The following IQCB1 variants were observed in gnomAD, a reference collection of about 807,000 sequenced individuals.
IQCB1 encodes IQ motif containing B1, also known as IQ calmodulin-binding motif-containing protein 1.
A neutral mutation model predicts 84.4 loss-of-function variants in IQCB1; 56 were observed. The observed-to-expected ratio is 0.66, with a 90% CI of 0.54 to 0.83. The LOEUF is 0.83. Ranked by LOEUF, IQCB1 falls within the 40% of genes least tolerant of loss-of-function variation. The pLI, the probability that IQCB1 is intolerant of heterozygous loss-of-function variation, is 0.00. For missense variants in IQCB1, 629 were observed against 682.1 expected, an observed-to-expected ratio of 0.92 and a Z score of 0.87; for synonymous variants, 210 against 234.8, an observed-to-expected ratio of 0.89 and a Z score of 0.96.
At chr3:121,785,809 T>C (rs1295387369) in intron 12 of IQCB1, among the ~76,000 whole-genome samples, 2 of 152,148 alleles carry the variant, frequency 1.3e-5, no homozygotes, top group Non-Finnish European at 1.5e-5. Flanking sequence ...AAGTTCTCCA[T>C]AGCCAGCTAC....
At chr3:121,807,007 T>C (rs935219939) in intron 7 of IQCB1, among the ~76,000 whole-genome samples, 1 of 152,154 alleles carries the variant, frequency 6.6e-6, no homozygotes, top group Non-Finnish European at 1.5e-5. Context: ...TCTCAATATT[T>C]TTCTTCAGAT....
At chr3:121,807,508 G>T (rs886735652) in intron 6 of IQCB1, 65 bp from the exon 7 acceptor site, 2 of 888,428 alleles carry the variant, frequency 2.3e-6, no homozygotes, top group Non-Finnish European at 3.8e-6. Context: ...GGAAGATTTT[G>T]TTCTTTTCAA....
intron 2 of IQCB1, chr3:121,833,839 A>G (rs1308428529): frequency 6.8e-6 from 1 of 147,698 alleles, no homozygotes; most frequent in Non-Finnish European, 1.5e-5. Flanking sequence ...ATGGTCTTAA[A>G]ATGTAGTATA....
At chr3:121,804,514 T>C (rs1471006988) in intron 7 of IQCB1, among the ~76,000 whole-genome samples, 1 of 152,154 alleles carries the variant, frequency 6.6e-6, no homozygotes, top group Non-Finnish European at 1.5e-5. Context: ...TAATTCTAAT[T>C]TGACAGTTTT....
intron 2 of IQCB1, among the ~76,000 whole-genome samples, chr3:121,831,806 G>A (rs941158004): frequency 1.3e-5 from 2 of 152,172 alleles, no homozygotes; most frequent in Non-Finnish European, 2.9e-5. Flanking sequence ...ATCATTAAAA[G>A]ACAGGTTTGC....
At chr3:121,806,474 T>C (rs774643717) in intron 7 of IQCB1, among the ~76,000 whole-genome samples, 1 of 152,134 alleles carries the variant, frequency 6.6e-6, no homozygotes, top group South Asian at 2.1e-4. Context: ...CCTCCCTATA[T>C]GGAACTTTAT....
At chr3:121,832,733 T>C (rs772452854) in intron 2 of IQCB1, among the ~76,000 whole-genome samples, 3 of 152,224 alleles carry the variant, frequency 2.0e-5, no homozygotes, top group Non-Finnish European at 4.4e-5. Context: ...ATAAAAAACA[T>C]TCTCCAAATC....
chr3:121,772,725 G>A lies in IQCB1; in HGVS notation c.1411-12C>T, dbSNP rs1948053539. The A allele has an allele frequency of 1.2e-6, 2 of 1,613,864 alleles. No individual in the cohort carries two copies. Among genetic ancestry groups the A allele is most frequent in the African/African-American group, 2.7e-5 (2 of 75,020 alleles). On this transcript the variant is annotated splice_polypyrimidine_tract_variant and intron_variant, in intron 13 of 14. Coordinates refer to ENST00000310864, the MANE Select transcript of IQCB1 (RefSeq NM_001023570.4). The stretch of plus-strand genomic sequence containing the variant: ...GACATTGGAGAGCCCTGGAAACACA[G>A]GACAGAAAAACCTGTCACAGAGAGG...
chr3:121,813,707 C>A (rs1949930763), intron 5 of IQCB1, among the ~76,000 whole-genome samples: 1 of 152,126 alleles, frequency 6.6e-6, no homozygotes, highest in South Asian at 2.1e-4. Flanking sequence ...GGGATCAATG[C>A]AACAAAAAGA....
intron 13 of IQCB1, among the ~76,000 whole-genome samples, chr3:121,773,318 A>AG (rs376305186): frequency 0.092 from 13,618 of 147,822 alleles, 421 homozygotes; most frequent in South Asian, 0.14. Context: ...TGCCTTAAAA[A>AG]AAAAAAAAAA....
chr3:121,795,586 TTA>T lies in IQCB1; in HGVS notation c.877-22_877-21del. The T allele has an allele frequency of 1.4e-6, 2 of 1,433,752 alleles. No individual in the cohort carries two copies. Among genetic ancestry groups the T allele is most frequent in the South Asian group, 2.3e-5 (2 of 87,202 alleles). 88.8% of individuals were successfully genotyped at this position (1,433,752 alleles called of 1,614,324 possible). ...TAGTTTCTGAAATGCCGAAAATAAT[TTA>T]GAGATATCTCTAGGAAGGTCTTTAA... On this transcript the variant is annotated intron_variant, in intron 9 of 14. Coordinates refer to ENST00000310864, the MANE Select transcript of IQCB1 (RefSeq NM_001023570.4).
intron 4 of IQCB1, among the ~76,000 whole-genome samples, chr3:121,826,956 AAT>A (rs1950485100): frequency 6.6e-6 from 1 of 152,176 alleles, no homozygotes; most frequent in Non-Finnish European, 1.5e-5. Context: ...TATGGACACT[AAT>A]AAGCAATAAC....
intron 13 of IQCB1, 76 bp downstream of exon 13, chr3:121,781,667 T>A: frequency 8.4e-7 from 1 of 1,189,340 alleles, no homozygotes; most frequent in Non-Finnish European, 1.2e-6. Flanking sequence ...ACACACAATA[T>A]ATGTGTGTGT....
intron 5 of IQCB1, among the ~76,000 whole-genome samples, chr3:121,810,543 GTA>G (rs1949785901): frequency 6.6e-6 from 1 of 151,320 alleles, no homozygotes; most frequent in Admixed American, 6.6e-5. Context: ...AACTGAATAA[GTA>G]TATTTATAAT....
intron 5 of IQCB1, among the ~76,000 whole-genome samples, chr3:121,822,236 C>T (rs1950300117): frequency 6.6e-6 from 1 of 152,184 alleles, no homozygotes; most frequent in Non-Finnish European, 1.5e-5. Context: ...TCCATAATTG[C>T]CAATTCCTTA....
intron 7 of IQCB1, among the ~76,000 whole-genome samples, chr3:121,805,143 A>C (rs1949557454): frequency 6.6e-6 from 1 of 152,180 alleles, no homozygotes; most frequent in Non-Finnish European, 1.5e-5. Context: ...AGTCTTGATT[A>C]ATTCTTCTCA....
chr3:121,799,175 A>G (rs1350716178), intron 8 of IQCB1, 21 bp downstream of exon 8: 13 of 1,582,676 alleles, frequency 8.2e-6, no homozygotes, highest in Non-Finnish European at 1.1e-5. Flanking sequence ...ATCCCAAGAA[A>G]AGAAAGAATG....
chr3:121,832,931 C>CT (rs1470162660), intron 2 of IQCB1, among the ~76,000 whole-genome samples: 1 of 152,210 alleles, frequency 6.6e-6, no homozygotes, highest in Non-Finnish European at 1.5e-5. Flanking sequence ...TGAAACGTCA[C>CT]ATTTTCATGC....
Position 121,835,057 on chromosome 3 carries a change from A to G in IQCB1, c.-193T>C, listed in dbSNP as rs114555283. 0.031 allele frequency: 17,880 copies of G among 574,224 alleles called. 358 individuals carry two copies. The highest frequency in any genetic ancestry group is 0.047 in the Middle Eastern group (100 of 2,128). The allele number at this position is 574,224 out of a possible 1,614,324, so 35.6% of individuals were successfully genotyped here. ...GCCTTCCGGGGCAGCGTGCGTCGCGACGCGGGAAGGGGCCTGGAGGCGGGA... is the reference window on the plus strand; with the variant it reads ...GCCTTCCGGGGCAGCGTGCGTCGCGGCGCGGGAAGGGGCCTGGAGGCGGGA... On this transcript the variant is annotated 5_prime_UTR_variant, in exon 1 of 15. Coordinates refer to ENST00000310864, the MANE Select transcript of IQCB1 (RefSeq NM_001023570.4).
Sources: gnomAD v4.1 joint callset for allele counts (sites outside exome capture counted in the v4.1 genomes callset) on GRCh38, gnomAD v4.1.1 for gene constraint, MANE v1.5 for transcripts, NCBI Gene and HGNC (gene_info 2026-07-23, HGNC 2026-07-21) for gene names.